The following SBNO1 variants were observed in gnomAD, a reference collection of about 807,000 sequenced individuals.
SBNO1 encodes protein strawberry notch homolog 1.
SBNO1 carries 23 observed loss-of-function variants against 173.6 expected under a neutral mutation model. The ratio of observed to expected loss-of-function variants is 0.13; its 90% CI spans 0.10 to 0.19. The LOEUF (loss-of-function observed/expected upper bound fraction) is 0.19. Among genes scored for constraint, SBNO1 ranks in the 10% least tolerant of loss-of-function variants. The pLI is 1.00. For missense variants in SBNO1, 1,238 were observed against 1,671.2 expected, an observed-to-expected ratio of 0.74 and a Z score of 4.52; for synonymous variants, 632 against 571.5, an observed-to-expected ratio of 1.11 and a Z score of -1.51.
chr12:123,350,771 G>T (rs1873781233), intron 1 of SBNO1, among the ~76,000 whole-genome samples: 1 of 152,204 alleles, frequency 6.6e-6, no homozygotes, highest in South Asian at 2.1e-4. Context: ...GAATCATCAG[G>T]TGGACAAGGA....
At chr12:123,333,299 T>A (rs1048014206) in intron 7 of SBNO1, among the ~76,000 whole-genome samples, 5 of 151,988 alleles carry the variant, frequency 3.3e-5, no homozygotes, top group African/African-American at 1.2e-4. Flanking sequence ...CTACCTCACA[T>A]CATTTTAAAA....
intron 3 of SBNO1, among the ~76,000 whole-genome samples, chr12:123,346,905 CT>C (rs1334333135): frequency 9.2e-5 from 14 of 151,654 alleles, no homozygotes; most frequent in African/African-American, 3.4e-4. Flanking sequence ...TGGTAAAACC[CT>C]GTCTCTACTA....
At position 123,289,847 on chromosome 12, in the gene SBNO1, T is replaced by C. The variant is rs1009331258; in HGVS notation, c.*6061A>G. The stretch of plus-strand genomic sequence containing the variant: ...CAGAAAGAGGGCTCAAGCTTCTTTA[T>C]CCTCTTCAGTGCCATAAATACTGTC... On this transcript the variant is annotated 3_prime_UTR_variant, in exon 32 of 32. Coordinates refer to ENST00000602398, the MANE Select transcript of SBNO1 (RefSeq NM_001167856.3). The C allele has an allele frequency of 2.6e-5, 4 of 152,256 alleles. No individual in the cohort carries two copies. The highest frequency in any genetic ancestry group is 9.6e-5 in the African/African-American group (4 of 41,468). 9.4% of individuals were successfully genotyped at this position (152,256 alleles called of 1,614,324 possible). A position where few individuals can be genotyped will look rare whatever the true frequency, so the allele number is the denominator to read the frequency against.
At chr12:123,302,307 A>G (rs1186331395) in intron 30 of SBNO1, among the ~76,000 whole-genome samples, 1 of 149,786 alleles carries the variant, frequency 6.7e-6, no homozygotes, top group Non-Finnish European at 1.5e-5. Flanking sequence ...CAATGGCGCA[A>G]TTTTGACTCA....
At chr12:123,361,441 G>A (rs945314176) in intron 1 of SBNO1, among the ~76,000 whole-genome samples, 2 of 151,828 alleles carry the variant, frequency 1.3e-5, no homozygotes, top group Non-Finnish European at 2.9e-5. Context: ...CCAGCTACTC[G>A]GGAGGCTGAG....
rs557220226 is a variant in SBNO1 at position 123,294,306 on chromosome 12, C to T, written c.*1602G>A. 1.4e-4 allele frequency: 22 copies of T among 152,266 alleles called. No homozygotes were observed. The highest frequency in any genetic ancestry group is 5.1e-4 in the African/African-American group (21 of 41,558). The allele number at this position is 152,266 out of a possible 1,614,324, so 9.4% of individuals were successfully genotyped here. On this transcript the variant is annotated 3_prime_UTR_variant, in exon 32 of 32. Transcript: ENST00000602398. ...TTTGTCAGTTTTAACACACATCTCACCCAATTCTGCAAGAAGTTTACAAAC... is the reference window on the plus strand; with the variant it reads ...TTTGTCAGTTTTAACACACATCTCATCCAATTCTGCAAGAAGTTTACAAAC...
intron 30 of SBNO1, among the ~76,000 whole-genome samples, chr12:123,302,217 G>A (rs962559452): frequency 6.7e-6 from 1 of 149,696 alleles, no homozygotes; most frequent in African/African-American, 2.5e-5. Context: ...ACAGGCGTAA[G>A]CCACCACACC....
At position 123,326,224 on chromosome 12, in the gene SBNO1, G is replaced by A. The variant is rs1260358627; in HGVS notation, c.1803C>T (p.Phe601=). 5 of 1,613,420 alleles carry A rather than the reference G, an allele frequency of 3.1e-6. No individual in the cohort carries two copies. In the African/African-American group the frequency reaches 6.7e-5, roughly 22 times the overall value. Residue 601 remains phenylalanine (F), a synonymous_variant, in exon 14 of 32, where the codon TTC becomes TTT. Coordinates refer to ENST00000602398, the MANE Select transcript of SBNO1 (RefSeq NM_001167856.3). ...GQFWSAHQRF[F]KYLCIASKVK... ...CTTTGGATGCTATGCATAAGTATTT[G>A]AAGAACCTCTGGTGAGCAGACCAGA...
In SBNO1 at chr12:123,327,344, G is replaced by A. The variant is rs1431951104; in HGVS notation, c.1692+82C>T. Reference sequence around the variant, plus strand: ...TAGTAGAAATACATTCCCATGGGCAGGAGGCATCGCAATCGCCAAAACTAA... The same window carrying A: ...TAGTAGAAATACATTCCCATGGGCAAGAGGCATCGCAATCGCCAAAACTAA... On this transcript the variant is annotated intron_variant, in intron 13 of 31. Transcript: ENST00000602398. The A allele has an allele frequency of 3.6e-6, 4 of 1,111,096 alleles. No individual in the cohort carries two copies. The South Asian group carries it at 5.7e-5, about 16-fold the overall frequency. 68.8% of individuals were successfully genotyped at this position (1,111,096 alleles called of 1,614,324 possible).
At chr12:123,360,548 G>A (rs780510660) in intron 1 of SBNO1, among the ~76,000 whole-genome samples, 2 of 151,874 alleles carry the variant, frequency 1.3e-5, no homozygotes, top group Admixed American at 6.6e-5. Context: ...AGGTTCAAGC[G>A]ATTCTCCTGC....
chr12:123,320,864 G>T lies in SBNO1; in HGVS notation c.2326C>A (p.Pro776Thr). The change falls in exon 18 of 32, where the codon CCC becomes ACC. Residue 776 changes from proline (P) to threonine (T), a missense_variant and splice_region_variant. This residue lies in a region of SBNO1 where 33 missense variants were observed against 29.6 expected (regional missense o/e 1.11). Coordinates refer to ENST00000602398, the MANE Select transcript of SBNO1 (RefSeq NM_001167856.3). The part of the protein sequence containing the change: ...DESNEDDEND[P>T]WLIRKDHKKN... Reference sequence around the variant, plus strand: ...TTGTGGTCTTTTCTAATTAACCAGGGATCTGAGTGTTAAGGAAAGATACAT... The same window carrying T: ...TTGTGGTCTTTTCTAATTAACCAGGTATCTGAGTGTTAAGGAAAGATACAT... 6.4e-7 allele frequency: 1 copy of T among 1,566,424 alleles called. No individual in the cohort carries two copies. Among genetic ancestry groups the T allele is most frequent in the Non-Finnish European group, 8.6e-7 (1 of 1,157,392 alleles).
rs757362115 is a variant in SBNO1 at position 123,323,686 on chromosome 12, G to A, written c.2119C>T (p.Arg707Trp). 1.9e-6 allele frequency: 3 copies of A among 1,601,778 alleles called. No individual in the cohort carries two copies. Among genetic ancestry groups the A allele is most frequent in the South Asian group, 1.1e-5 (1 of 89,592 alleles). The change falls in exon 16 of 32, where the codon CGG becomes TGG. Residue 707 changes from arginine to tryptophan, a missense_variant. By Grantham distance (101) the Arg-to-Trp change is moderately radical (BLOSUM62 -3). This residue lies in a region of SBNO1 where 81 missense variants were observed against 82.6 expected (regional missense o/e 0.98). Coordinates refer to ENST00000602398, the MANE Select transcript of SBNO1 (RefSeq NM_001167856.3). ...SPCKENKIKK[R>W]KGEEITREAK... ...TCTTTTTTAAAGTGCTCACCTTTCC[G>A]CTTCTTTATTTTATTTTCTTTACAA... is the stretch of plus-strand genomic sequence containing the variant.
intron 9 of SBNO1, 132 bp from the exon 10 acceptor site, chr12:123,329,027 A>G: frequency 1.8e-6 from 1 of 543,082 alleles, no homozygotes; most frequent in Non-Finnish European, 3.2e-6. Context: ...AAAAGTACAG[A>G]GACGCAAATT....
chr12:123,299,955 C>A (rs1013671479), intron 30 of SBNO1, among the ~76,000 whole-genome samples: 1 of 152,034 alleles, frequency 6.6e-6, no homozygotes, highest in Non-Finnish European at 1.5e-5. Context: ...TACTGATACA[C>A]TGGTTCTAAA....
Position 123,361,722 on chromosome 12 carries a change from G to A in SBNO1, c.-1+2979C>T, listed in dbSNP as rs1478311207. On this transcript the variant is annotated intron_variant, in intron 1 of 31. Transcript: ENST00000602398. ...GCACTCCAGCCTGGTGACAGAGCAA[G>A]ACAGTCTAAAAAAAAAAAAAAAATA... 2.4e-4 allele frequency among the ~76,000 whole-genome samples: 20 copies of A among 84,704 alleles called. 1 individual carries two copies. The highest frequency in any genetic ancestry group is 6.8e-5 in the Non-Finnish European group (3 of 44,412). The allele number at this position is 84,704 out of a possible 152,430, so 55.6% of individuals were successfully genotyped here. A position where few individuals can be genotyped will look rare whatever the true frequency, so the allele number is the denominator to read the frequency against.
chr12:123,332,146 G>A (rs890045187), intron 7 of SBNO1, among the ~76,000 whole-genome samples: 3 of 152,102 alleles, frequency 2.0e-5, no homozygotes, highest in Admixed American at 6.5e-5. Context: ...ACCGCGCCCA[G>A]CTCAATGTGA....
chr12:123,345,673 TTA>T, intron 3 of SBNO1, 103 bp from the exon 4 acceptor site: 1 of 989,978 alleles, frequency 1.0e-6, no homozygotes, highest in Non-Finnish European at 1.5e-6. Context: ...AAATGCACTT[TTA>T]TTATTGCTTT....
intron 1 of SBNO1, among the ~76,000 whole-genome samples, chr12:123,356,241 G>A (rs1166285503): frequency 3.9e-5 from 6 of 152,134 alleles, no homozygotes. Flanking sequence ...TTCCTTCATA[G>A]GATTACTGTG....
chr12:123,364,548 C>G, intron 1 of SBNO1, 153 bp downstream of exon 1: 1 of 983,548 alleles, frequency 1.0e-6, no homozygotes, highest in East Asian at 1.1e-4. Flanking sequence ...GAGCGCGCGG[C>G]CGCGAGGAGC....
Sources: gnomAD v4.1 joint callset for allele counts (sites outside exome capture counted in the v4.1 genomes callset) on GRCh38, gnomAD v4.1.1 for gene constraint, gnomAD v4.1.1 regional missense constraint, MANE v1.5 for transcripts, NCBI Gene and HGNC (gene_info 2026-07-23, HGNC 2026-07-21) for gene names.